TCP11L2: variants seen among roughly 807,000 people sequenced by gnomAD.
TCP11L2 encodes the protein T-complex protein 11-like protein 2.
TCP11L2 carries 39 observed loss-of-function variants against 50.7 expected under a neutral mutation model. The observed-to-expected ratio is 0.77, with a 90% CI of 0.60 to 1.01. The LOEUF (loss-of-function observed/expected upper bound fraction) is 1.01. TCP11L2 is among the 50% of genes least tolerant of loss of function. The pLI is 0.00. For missense variants in TCP11L2, 612 were observed against 614.7 expected, an observed-to-expected ratio of 1.00 and a Z score of 0.05; for synonymous variants, 192 against 219.3, an observed-to-expected ratio of 0.88 and a Z score of 1.10.
At chr12:106,302,405 T>C (rs1429666254), upstream of TCP11L2, among the ~76,000 whole-genome samples, 1 of 48,350 alleles carries the variant, frequency 2.1e-5, no homozygotes, top group South Asian at 5.6e-4. Context: ...CAGCCCCCGC[T>C]CAGCCCCCGC....
chr12:106,310,882 G>A (rs574769233), intron 1 of TCP11L2, among the ~76,000 whole-genome samples, 159 bp from the exon 2 acceptor site: 1 of 152,314 alleles, frequency 6.6e-6, no homozygotes, highest in South Asian at 2.1e-4. Context: ...TAGTGATCTG[G>A]CCTAGTCCGG....
At chr12:106,299,026 G>C (rs373962801), upstream of TCP11L2, among the ~76,000 whole-genome samples, 28 of 152,130 alleles carry the variant, frequency 1.8e-4, no homozygotes, top group East Asian at 5.4e-3. Flanking sequence ...ATGTTGGTCA[G>C]GCTGGTCTCG....
At chr12:106,304,772 T>G (rs1343322030) in intron 1 of TCP11L2, among the ~76,000 whole-genome samples, 1 of 152,242 alleles carries the variant, frequency 6.6e-6, no homozygotes, top group Admixed American at 6.5e-5. Context: ...CACTCCAAAA[T>G]GTTTATGACT....
intron 6 of TCP11L2, chr12:106,325,107 C>T (rs1565851200): frequency 6.6e-6 from 1 of 152,166 alleles, no homozygotes; most frequent in Non-Finnish European, 1.5e-5. Flanking sequence ...CTAATTTAAT[C>T]CTTGCAACAA....
chr12:106,330,988 A>G (rs529144530), intron 6 of TCP11L2, among the ~76,000 whole-genome samples: 15 of 152,336 alleles, frequency 9.8e-5, no homozygotes, highest in African/African-American at 3.4e-4. Flanking sequence ...CCAGTGATAC[A>G]TATTTTTTAT....
chr12:106,340,065 C>T (rs2036044574), intron 8 of TCP11L2, among the ~76,000 whole-genome samples: 1 of 152,202 alleles, frequency 6.6e-6, no homozygotes, highest in South Asian at 2.1e-4. Flanking sequence ...CTCCGTTATA[C>T]TGCTTCCTAT....
rs373665937 is a variant in TCP11L2 at position 106,311,058 on chromosome 12, A to G, written c.-18A>G. 10 of 1,613,012 alleles carry G rather than the reference A, an allele frequency of 6.2e-6. No individual in the cohort carries two copies. The African/African-American group carries it at 9.3e-5, about 15-fold the overall frequency. On this transcript the variant is annotated 5_prime_UTR_variant, in exon 2 of 10. Transcript: ENST00000299045. Reference sequence around the variant, plus strand: ...CTGTGCAGGTGCTACCTTTTTACCCACACTTAAGTGACGCAAAATGCCCTT... The same window carrying G: ...CTGTGCAGGTGCTACCTTTTTACCCGCACTTAAGTGACGCAAAATGCCCTT...
At chr12:106,307,794 A>C (rs1439668580) in intron 1 of TCP11L2, among the ~76,000 whole-genome samples, 1 of 152,190 alleles carries the variant, frequency 6.6e-6, no homozygotes. Flanking sequence ...TTCCCTCCAG[A>C]GTGTTTAATT....
intron 3 of TCP11L2, among the ~76,000 whole-genome samples, chr12:106,316,684 C>G (rs994094726): frequency 6.6e-6 from 1 of 151,994 alleles, no homozygotes; most frequent in Non-Finnish European, 1.5e-5. Flanking sequence ...CTGAAATTGT[C>G]GTATTCATTT....
At chr12:106,322,128 TAA>T (rs1227478660) in intron 5 of TCP11L2, among the ~76,000 whole-genome samples, 1 of 152,202 alleles carries the variant, frequency 6.6e-6, no homozygotes, top group Non-Finnish European at 1.5e-5. Flanking sequence ...ACATAAACCC[TAA>T]ATTCTCAGTG....
At chr12:106,304,403 G>A (rs182513651) in intron 1 of TCP11L2, 49 of 152,432 alleles carry the variant, frequency 3.2e-4, no homozygotes, top group Admixed American at 1.4e-3. Flanking sequence ...CTAACTTGAT[G>A]AAGACCAGTA....
chr12:106,315,285 T>A lies in TCP11L2; in HGVS notation c.293+792T>A, dbSNP rs539156501. On this transcript the variant is annotated intron_variant, in intron 3 of 9. Coordinates refer to ENST00000299045, the MANE Select transcript of TCP11L2 (RefSeq NM_152772.3). Reference sequence around the variant, plus strand: ...AAAAAAATTCCCCTAGGATACATATTACCCATAATCTTTAGAACTCAGTTT... The same window carrying A: ...AAAAAAATTCCCCTAGGATACATATAACCCATAATCTTTAGAACTCAGTTT... Among the ~76,000 whole-genome samples, 524 of 152,256 alleles carry A rather than the reference T, an allele frequency of 3.4e-3. 2 individuals are homozygous for A. The highest frequency in any genetic ancestry group is 2.9e-3 in the Non-Finnish European group (194 of 68,012).
At chr12:106,318,488 C>G (rs2035188437) in intron 4 of TCP11L2, 24 bp downstream of exon 4, 1 of 1,610,974 alleles carries the variant, frequency 6.2e-7, no homozygotes, top group Admixed American at 1.7e-5. Flanking sequence ...TTGTCTGTGT[C>G]AGTTAGCGTC....
intron 3 of TCP11L2, among the ~76,000 whole-genome samples, chr12:106,315,822 C>T (rs904702918): frequency 1.3e-5 from 2 of 152,192 alleles, no homozygotes; most frequent in Non-Finnish European, 1.5e-5. Context: ...ACTATTATTA[C>T]AGATCAGTCG....
chr12:106,329,283 T>C (rs2035664104), intron 6 of TCP11L2: 1 of 1,535,948 alleles, frequency 6.5e-7, no homozygotes. Flanking sequence ...CCAGTGGTTT[T>C]CGTCAAATAA....
intron 8 of TCP11L2, among the ~76,000 whole-genome samples, chr12:106,336,500 C>CA (rs749486780): frequency 1.5e-4 from 23 of 148,662 alleles, no homozygotes; most frequent in Non-Finnish European, 2.7e-4. Context: ...TGGAAAAAAA[C>CA]AAATGAAACA....
chr12:106,301,147 C>T (rs910909640), upstream of TCP11L2, among the ~76,000 whole-genome samples: 2 of 152,120 alleles, frequency 1.3e-5, no homozygotes, highest in African/African-American at 4.8e-5. Flanking sequence ...ACTTATCCAA[C>T]GAATGACACA....
intron 6 of TCP11L2, among the ~76,000 whole-genome samples, chr12:106,328,454 G>A (rs1026281872): frequency 6.6e-6 from 1 of 152,252 alleles, no homozygotes; most frequent in African/African-American, 2.4e-5. Flanking sequence ...TGAGGCAGGA[G>A]AATGGCTTGA....
chr12:106,339,145 A>G (rs2036013258), intron 8 of TCP11L2, among the ~76,000 whole-genome samples: 1 of 152,132 alleles, frequency 6.6e-6, no homozygotes, highest in African/African-American at 2.4e-5. Flanking sequence ...ACTCCGTCTC[A>G]AAAGAAAAGA....
Sources: allele counts gnomAD v4.1 joint callset (sites outside exome capture counted in the v4.1 genomes callset), GRCh38; gene constraint gnomAD v4.1.1; transcripts MANE v1.5; gene names NCBI Gene and HGNC (gene_info 2026-07-23, HGNC 2026-07-21).